Variants in AGBL1 observed in about 807,000 individuals in gnomAD.
AGBL1 encodes the protein cytosolic carboxypeptidase 4.
In AGBL1, 130 loss-of-function variants were observed where a neutral mutation model predicts 118.9. The ratio of observed to expected loss-of-function variants is 1.09; its 90% CI spans 0.95 to 1.26. The LOEUF (loss-of-function observed/expected upper bound fraction) is 1.26. AGBL1 is among the 50% of genes most tolerant of loss of function. AGBL1 has a pLI of 0.00. For synonymous variants in AGBL1, 555 were observed against 478.9 expected, an observed-to-expected ratio of 1.16 and a Z score of -2.08; for missense variants, 1,584 against 1,298.1, an observed-to-expected ratio of 1.22 and a Z score of -3.38.
chr15:86,241,508 G>C (rs942883911), intron 6 of AGBL1, among the ~76,000 whole-genome samples: 1 of 152,118 alleles, frequency 6.6e-6, no homozygotes, highest in African/African-American at 2.4e-5. Context: ...CTAGGTAACT[G>C]ATAAAGAATT....
chr15:86,137,739 T>C (rs1217194269), intron 1 of AGBL1, among the ~76,000 whole-genome samples: 1 of 152,160 alleles, frequency 6.6e-6, no homozygotes, highest in Non-Finnish European at 1.5e-5. Flanking sequence ...AGATGAACCA[T>C]GGCCCATTCC....
rs972543776 is a variant in AGBL1, at chr15:86,912,468, A to G, written c.*5174A>G. On this transcript the variant is annotated 3_prime_UTR_variant, in exon 23 of 23. Transcript: ENST00000614907. ...CTGGGCTCTCCTTGCAATCCCATCA[A>G]TAAGAATCAGCATCCAAGAATTCCA... The G allele has an allele frequency of 3.9e-5, 6 of 152,204 alleles. No homozygotes were observed. The highest frequency in any genetic ancestry group is 4.1e-4 in the South Asian group (2 of 4,828). 9.4% of individuals were successfully genotyped at this position (152,204 alleles called of 1,614,324 possible).
intron 18 of AGBL1, among the ~76,000 whole-genome samples, chr15:86,478,401 A>C (rs895095651): frequency 1.4e-4 from 21 of 152,234 alleles, no homozygotes; most frequent in African/African-American, 4.6e-4. Flanking sequence ...ATACAAAATC[A>C]ATGTGCAAAA....
In AGBL1 at chr15:86,196,879, G is replaced by GCGCACACACA. The variant is rs756313941; in HGVS notation, c.489-28034_489-28033insGCACACACAC. Among the ~76,000 whole-genome samples the GCGCACACACA allele has an allele frequency of 3.9e-3, 453 of 116,980 alleles. 4 individuals carry two copies. Among genetic ancestry groups the GCGCACACACA allele is most frequent in the Non-Finnish European group, 5.5e-3 (313 of 56,926 alleles). The allele number at this position is 116,980 out of a possible 152,430, so 76.7% of individuals were successfully genotyped here. ...CGAATGTGCACATGTGCGCGCGCGC[G>GCGCACACACA]CACACACACACACACACACACACAC... On this transcript the variant is annotated intron_variant, in intron 5 of 22. Transcript: ENST00000614907.
chr15:86,784,499 T>G (rs560048089), intron 22 of AGBL1, among the ~76,000 whole-genome samples: 13 of 152,332 alleles, frequency 8.5e-5, no homozygotes, highest in African/African-American at 3.1e-4. Flanking sequence ...GTTCTATCCT[T>G]AGAGATTTTA....
At position 86,911,343 on chromosome 15, in the gene AGBL1, T is replaced by A. The variant is rs1214399822; in HGVS notation, c.*4049T>A. On this transcript the variant is annotated 3_prime_UTR_variant, in exon 23 of 23. Coordinates refer to ENST00000614907, the MANE Select transcript of AGBL1 (RefSeq NM_001386094.1). Reference sequence around the variant, plus strand: ...GATTTCACCTTTAAGATAGTCCCATTGTTAGAATAGAAGCCCAAGACTTGC... The same window carrying A: ...GATTTCACCTTTAAGATAGTCCCATAGTTAGAATAGAAGCCCAAGACTTGC... 2.0e-5 allele frequency: 3 copies of A among 152,110 alleles called. No homozygotes were observed. The allele number at this position is 152,110 out of a possible 1,614,324, so 9.4% of individuals were successfully genotyped here.
intron 21 of AGBL1, among the ~76,000 whole-genome samples, chr15:86,576,315 G>C (rs2084091205): frequency 3.3e-5 from 5 of 152,170 alleles, no homozygotes; most frequent in Admixed American, 2.6e-4. Context: ...AAACGATTTG[G>C]GAATTGGGCA....
intron 23 of AGBL1, among the ~76,000 whole-genome samples, chr15:86,982,892 A>G (rs1409245169): frequency 6.6e-6 from 1 of 152,126 alleles, no homozygotes; most frequent in Non-Finnish European, 1.5e-5. Flanking sequence ...GAAAAGCGGC[A>G]CCCCTCATCT....
chr15:86,455,222 A>G (rs1439014567), intron 18 of AGBL1, among the ~76,000 whole-genome samples: 1 of 152,210 alleles, frequency 6.6e-6, no homozygotes, highest in Non-Finnish European at 1.5e-5. Context: ...TTCTTAGCAC[A>G]GTGCCTGGTA....
intron 17 of AGBL1, among the ~76,000 whole-genome samples, chr15:86,378,160 G>A (rs1201327734): frequency 6.6e-6 from 1 of 152,148 alleles, no homozygotes; most frequent in East Asian, 1.9e-4. Context: ...ATACAGCAAA[G>A]AAAGAGTGGG....
At chr15:86,105,147 G>A (rs941881982) in intron 1 of AGBL1, 2 of 152,162 alleles carry the variant, frequency 1.3e-5, no homozygotes, top group African/African-American at 4.8e-5. Flanking sequence ...GTTCTTCTTT[G>A]TGGAGGAGGC....
chr15:86,817,596 A>AC (rs1467076541), intron 22 of AGBL1, among the ~76,000 whole-genome samples: 1 of 143,096 alleles, frequency 7.0e-6, no homozygotes, highest in Non-Finnish European at 1.6e-5. Flanking sequence ...ACACACACAG[A>AC]GGAGAGAGAG....
chr15:86,476,180 CA>C (rs1432487114), intron 18 of AGBL1, among the ~76,000 whole-genome samples: 1 of 152,126 alleles, frequency 6.6e-6, no homozygotes, highest in African/African-American at 2.4e-5. Flanking sequence ...AACTAATGAG[CA>C]AAATAACCAG....
intron 18 of AGBL1, among the ~76,000 whole-genome samples, chr15:86,436,136 T>G (rs1447936552): frequency 6.8e-6 from 1 of 146,674 alleles, no homozygotes; most frequent in East Asian, 2.0e-4. Context: ...AAATCCTCAA[T>G]TCTAAGCCTT....
intron 22 of AGBL1, among the ~76,000 whole-genome samples, chr15:86,772,137 A>T (rs1184907133): frequency 6.6e-6 from 1 of 151,998 alleles, no homozygotes; most frequent in African/African-American, 2.4e-5. Flanking sequence ...CTCCTTCAGC[A>T]TCTCCTTGGG....
At chr15:86,887,981 A>G (rs900054728) in intron 22 of AGBL1, among the ~76,000 whole-genome samples, 1 of 152,142 alleles carries the variant, frequency 6.6e-6, no homozygotes, top group African/African-American at 2.4e-5. Context: ...AATGAGAAAA[A>G]TATAACAATG....
intron 24 of AGBL1, among the ~76,000 whole-genome samples, chr15:87,004,090 C>T (rs769147530): frequency 2.6e-5 from 4 of 152,296 alleles, no homozygotes; most frequent in Non-Finnish European, 4.4e-5. Context: ...CCTGCTTTCT[C>T]TTGTGGGCAT....
At chr15:86,878,563 T>A (rs2079847122) in intron 22 of AGBL1, among the ~76,000 whole-genome samples, 1 of 152,114 alleles carries the variant, frequency 6.6e-6, no homozygotes, top group Non-Finnish European at 1.5e-5. Context: ...CTTTCTCTGC[T>A]CCTTTCTTTG....
chr15:86,871,517 C>G (rs1480156014), intron 22 of AGBL1, among the ~76,000 whole-genome samples: 3 of 152,174 alleles, frequency 2.0e-5, no homozygotes, highest in Non-Finnish European at 4.4e-5. Context: ...GCTGCCACTC[C>G]TGTGGTCTGG....
Sources: allele counts gnomAD v4.1 joint callset (sites outside exome capture counted in the v4.1 genomes callset), GRCh38; gene constraint gnomAD v4.1.1; transcripts MANE v1.5; gene names NCBI Gene and HGNC (gene_info 2026-07-23, HGNC 2026-07-21).